Variants in MIAT observed in about 807,000 individuals in gnomAD.
MIAT encodes myocardial infarction associated transcript, also known as MI related novel mRNA.
chr22:26,655,997 TTTTTC>T lies in MIAT; in HGVS notation n.647-7299_647-7295del, dbSNP rs374546845. 557 of 153,356 alleles carry T rather than the reference TTTTTC, an allele frequency of 3.6e-3. 4 individuals carry two copies. Among genetic ancestry groups the T allele is most frequent in the African/African-American group, 0.013 (526 of 41,422 alleles). The allele number at this position is 153,356 out of a possible 1,614,324, so 9.5% of individuals were successfully genotyped here. A position where few individuals can be genotyped will look rare whatever the true frequency, so the allele number is the denominator to read the frequency against. ...GCCACCACACCCAGCCTGAATTGTA[TTTTTC>T]TTTTCTTTTCTTTTCTTTTTTTTTT... On this transcript the variant is annotated intron_variant and non_coding_transcript_variant, in intron 2 of 5. Transcript: ENST00000643270.
At chr22:26,664,448 A>C (rs1412911127) in intron 3 of MIAT, among the ~76,000 whole-genome samples, 1 of 152,138 alleles carries the variant, frequency 6.6e-6, no homozygotes, top group Non-Finnish European at 1.5e-5. Flanking sequence ...CTTCACCATA[A>C]ATCAGTTTTG....
exon 5 of MIAT, chr22:26,675,913 A>G (rs189186610): frequency 7.5e-6 from 3 of 398,692 alleles, no homozygotes; most frequent in Non-Finnish European, 1.3e-5. Flanking sequence ...CTAGGCCAAC[A>G]TAGAGATTGG....
intron 2 of MIAT, among the ~76,000 whole-genome samples, chr22:26,661,003 C>T (rs1397532792): frequency 2.6e-5 from 4 of 152,214 alleles, no homozygotes; most frequent in South Asian, 2.1e-4. Flanking sequence ...TGAATGTTAT[C>T]GTGCACCCAC....
At chr22:26,659,794 A>AG (rs1373531724) in intron 2 of MIAT, among the ~76,000 whole-genome samples, 2 of 150,496 alleles carry the variant, frequency 1.3e-5, no homozygotes, top group Non-Finnish European at 3.0e-5. Flanking sequence ...ACAAAAAAAA[A>AG]AGAAAACTCC....
downstream of MIAT, chr22:26,674,033 C>T (rs1931168203): frequency 2.5e-6 from 1 of 398,500 alleles, no homozygotes; most frequent in African/African-American, 2.1e-5. Context: ...AGAGCATATG[C>T]CATTTTGTAT....
chr22:26,663,575 T>G (rs1930744221), intron 3 of MIAT: 1 of 389,026 alleles, frequency 2.6e-6, no homozygotes, highest in Non-Finnish European at 4.5e-6. Flanking sequence ...CGACTGACCT[T>G]GGCTTGAAGT....
At chr22:26,672,337 A>G (rs903315409), downstream of MIAT, 1 of 399,076 alleles carries the variant, frequency 2.5e-6, no homozygotes, top group Non-Finnish European at 4.4e-6. Flanking sequence ...TTGCTGCCCC[A>G]TATTGGCTGT....
intron 2 of MIAT, among the ~76,000 whole-genome samples, chr22:26,652,074 G>C (rs578128843): frequency 1.1e-4 from 17 of 152,188 alleles, no homozygotes; most frequent in African/African-American, 4.1e-4. Context: ...GCTCACTGCA[G>C]CCTCTAACGC....
intron 2 of MIAT, among the ~76,000 whole-genome samples, chr22:26,652,045 G>C (rs898920245): frequency 2.6e-5 from 4 of 152,178 alleles, no homozygotes; most frequent in Non-Finnish European, 2.9e-5. Flanking sequence ...CCATGCTGGA[G>C]TGCAGTGGTG....
At chr22:26,673,024 G>C (rs1158451992), downstream of MIAT, 1 of 398,500 alleles carries the variant, frequency 2.5e-6, no homozygotes, top group Admixed American at 4.4e-5. Flanking sequence ...AAGTCCTTGG[G>C]AAAGATCCGT....
chr22:26,657,245 C>A (rs1930491828), intron 2 of MIAT: 2 of 350,698 alleles, frequency 5.7e-6, no homozygotes, highest in South Asian at 1.5e-4. Flanking sequence ...GGTGGGGATG[C>A]GGGAGGCTGA....
At chr22:26,653,100 T>C (rs531190513) in intron 2 of MIAT, among the ~76,000 whole-genome samples, 1 of 152,198 alleles carries the variant, frequency 6.6e-6, no homozygotes, top group African/African-American at 2.4e-5. Flanking sequence ...CAACCCTCCG[T>C]AGGGAAATGG....
chr22:26,669,654 C>T (rs1244283125), exon 6 of MIAT: 5 of 398,636 alleles, frequency 1.3e-5, no homozygotes, highest in Non-Finnish European at 2.2e-5. Flanking sequence ...GGGTGGTCAC[C>T]GCAAACATGG....
intron 3 of MIAT, among the ~76,000 whole-genome samples, chr22:26,664,351 T>C (rs1275112565): frequency 6.6e-6 from 1 of 152,216 alleles, no homozygotes; most frequent in Non-Finnish European, 1.5e-5. Context: ...TCAATTCCTG[T>C]TCTATCCAAT....
intron 2 of MIAT, among the ~76,000 whole-genome samples, chr22:26,654,766 G>A (rs1024387483): frequency 1.3e-5 from 2 of 152,048 alleles, no homozygotes; most frequent in Non-Finnish European, 2.9e-5. Context: ...AGGCTGGAGT[G>A]AGTGGCGTGA....
At chr22:26,646,595 G>A (rs1327414124) in exon 1 of MIAT, 2 of 397,590 alleles carry the variant, frequency 5.0e-6, no homozygotes, top group Non-Finnish European at 8.9e-6. Context: ...ATTTGGCTCA[G>A]ATCCCTTCTA....
At chr22:26,652,913 C>T (rs1180977290) in intron 2 of MIAT, among the ~76,000 whole-genome samples, 1 of 152,048 alleles carries the variant, frequency 6.6e-6, no homozygotes, top group East Asian at 1.9e-4. Context: ...CTCCTGGGGT[C>T]CAAGTTAGCC....
At chr22:26,671,058 G>A, downstream of MIAT, 1 of 398,490 alleles carries the variant, frequency 2.5e-6, no homozygotes. Context: ...AAGCACGGTT[G>A]TCAGATCTTT....
intron 2 of MIAT, among the ~76,000 whole-genome samples, chr22:26,661,763 C>T (rs1930669810): frequency 6.6e-6 from 1 of 151,860 alleles, no homozygotes; most frequent in African/African-American, 2.4e-5. Flanking sequence ...ACTGTGAAAG[C>T]AACCGGCATA....
Sources: allele counts gnomAD v4.1 joint callset (sites outside exome capture counted in the v4.1 genomes callset), GRCh38; gene constraint gnomAD v4.1.1; transcripts MANE v1.5; gene names NCBI Gene and HGNC (gene_info 2026-07-23, HGNC 2026-07-21).